The following ABHD10 variants were observed in gnomAD, a reference collection of about 807,000 sequenced individuals.
ABHD10 encodes palmitoyl-protein thioesterase ABHD10, mitochondrial.
In ABHD10, 22 loss-of-function variants were observed where a neutral mutation model predicts 33.1. That is an observed-to-expected ratio of 0.66 (90% CI 0.47 to 0.95). The LOEUF is 0.95. Among genes scored for constraint, ABHD10 ranks in the 40% least tolerant of loss-of-function variants. The pLI, the probability that ABHD10 is intolerant of heterozygous loss-of-function variation, is 0.00. For missense variants in ABHD10, 352 were observed against 379.9 expected (o/e 0.93, Z 0.61); for synonymous variants, 146 against 133.9 (o/e 1.09, Z -0.62).
chr3:111,990,653 A>G, intron 4 of ABHD10: 1 of 863,814 alleles, frequency 1.2e-6, no homozygotes, highest in African/African-American at 1.8e-5. Flanking sequence ...TATGTGGAAG[A>G]CTTCTTTGTC....
intron 4 of ABHD10, among the ~76,000 whole-genome samples, chr3:111,989,205 T>G (rs1692936522): frequency 6.6e-6 from 1 of 152,198 alleles, no homozygotes; most frequent in Admixed American, 6.5e-5. Flanking sequence ...ATTTCTCATT[T>G]CTTCTCTAAG....
At chr3:111,987,115 T>C (rs1238154010) in intron 4 of ABHD10, 64 bp downstream of exon 4, 15 of 1,547,980 alleles carry the variant, frequency 9.7e-6, no homozygotes, top group Non-Finnish European at 1.3e-5. Context: ...CTGCTCCCTC[T>C]TTCTTTGAGG....
chr3:111,991,294 T>C lies in ABHD10; in HGVS notation c.577-83T>C, dbSNP rs951556682. ...CTATCCTCTTATTCAAGAACTGCTT[T>C]CATTAGATTACTTAAAACTATTGCA... On this transcript the variant is annotated intron_variant, in intron 4 of 4. Coordinates refer to ENST00000273359, the MANE Select transcript of ABHD10 (RefSeq NM_018394.4). 1.5e-4 allele frequency: 175 copies of C among 1,174,790 alleles called. 1 individual carries two copies. The highest frequency in any genetic ancestry group is 1.9e-4 in the Non-Finnish European group (157 of 830,480). 72.8% of individuals were successfully genotyped at this position (1,174,790 alleles called of 1,614,324 possible). A position where few individuals can be genotyped will look rare whatever the true frequency, so the allele number is the denominator to read the frequency against.
intron 4 of ABHD10, among the ~76,000 whole-genome samples, chr3:111,990,275 G>A (rs1346016446): frequency 2.6e-5 from 4 of 151,814 alleles, no homozygotes; most frequent in Non-Finnish European, 4.4e-5. Context: ...CCTTTTCATA[G>A]AATTTTTTAA....
chr3:111,991,319 A>T (rs557206230), intron 4 of ABHD10, 58 bp from the exon 5 acceptor site: 1 of 1,415,920 alleles, frequency 7.1e-7, no homozygotes, highest in Non-Finnish European at 9.7e-7. Flanking sequence ...AAACTATTGC[A>T]TGTGTTAATG....
At chr3:111,982,068 A>G (rs1291547241) in intron 2 of ABHD10, 101 bp downstream of exon 2, 1 of 933,902 alleles carries the variant, frequency 1.1e-6, no homozygotes, top group African/African-American at 1.7e-5. Flanking sequence ...GCATTTTTAT[A>G]CATTATTTTA....
intron 3 of ABHD10, 122 bp downstream of exon 3, chr3:111,986,497 G>A (rs1029513756): frequency 2.7e-5 from 18 of 660,366 alleles, no homozygotes; most frequent in African/African-American, 7.4e-5. Context: ...GTGCAGTGGC[G>A]CAATCTTGGC....
In ABHD10 at chr3:111,986,845, A is replaced by G. The variant is rs550233576; in HGVS notation, c.439-69A>G. The stretch of plus-strand genomic sequence containing the variant: ...TTTACTTTCTAATTTTTTATTGTAC[A>G]TATTTTGTTTTATGTTTATAACCTG... On this transcript the variant is annotated intron_variant, in intron 3 of 4. Transcript: ENST00000273359. 1.2e-5 allele frequency: 14 copies of G among 1,133,612 alleles called. No individual in the cohort carries two copies. In the Admixed American group the frequency reaches 1.8e-4, roughly 14 times the overall value. 70.2% of individuals were successfully genotyped at this position (1,133,612 alleles called of 1,614,324 possible). A position where few individuals can be genotyped will look rare whatever the true frequency, so the allele number is the denominator to read the frequency against.
intron 1 of ABHD10, among the ~76,000 whole-genome samples, chr3:111,981,188 A>G (rs2072579355): frequency 6.6e-6 from 1 of 151,892 alleles, no homozygotes; most frequent in African/African-American, 2.4e-5. Flanking sequence ...CGTGTAGTGC[A>G]GCTACTGGGG....
chr3:111,989,829 G>A (rs2072719823), intron 4 of ABHD10, among the ~76,000 whole-genome samples: 1 of 151,354 alleles, frequency 6.6e-6, no homozygotes, highest in Admixed American at 6.6e-5. Context: ...GAATTATTAA[G>A]TCTTTTTGGA....
chr3:111,990,554 AAAAT>A, intron 4 of ABHD10: 1 of 323,306 alleles, frequency 3.1e-6, no homozygotes, highest in Non-Finnish European at 5.6e-6. Context: ...AATTATATAA[AAAAT>A]AAGAGTTCTC....
At chr3:111,980,836 C>T (rs1233096518) in intron 1 of ABHD10, among the ~76,000 whole-genome samples, 1 of 152,078 alleles carries the variant, frequency 6.6e-6, no homozygotes, top group Non-Finnish European at 1.5e-5. Flanking sequence ...TTGAACCCAC[C>T]TCAGCTGACA....
rs1235031257 is a variant in ABHD10, at chr3:111,992,979, C to A, written c.*1258C>A. On this transcript the variant is annotated 3_prime_UTR_variant, in exon 5 of 5. Coordinates refer to ENST00000273359, the MANE Select transcript of ABHD10 (RefSeq NM_018394.4). The stretch of plus-strand genomic sequence containing the variant: ...GATTGGCATCTGGGAACTTGGAGTT[C>A]AGGGGGCTTCCACCATTCCCAGAAC... The A allele has an allele frequency of 1.3e-5, 2 of 152,184 alleles. No homozygotes were observed. Among genetic ancestry groups the A allele is most frequent in the African/African-American group, 2.4e-5 (1 of 41,444 alleles). The allele number at this position is 152,184 out of a possible 1,614,324, so 9.4% of individuals were successfully genotyped here. A position where few individuals can be genotyped will look rare whatever the true frequency, so the allele number is the denominator to read the frequency against.
At chr3:111,990,777 A>G in intron 4 of ABHD10, 1 of 1,184,504 alleles carries the variant, frequency 8.4e-7, no homozygotes, top group Non-Finnish European at 1.1e-6. Context: ...TTACAATGTA[A>G]TTACTCTTAT....
chr3:111,980,107 G>C (rs886413739), intron 1 of ABHD10, among the ~76,000 whole-genome samples: 1 of 152,146 alleles, frequency 6.6e-6, no homozygotes, highest in Admixed American at 6.5e-5. Context: ...GTTCAAAGAT[G>C]ATTTATGAAT....
rs565034133 is a variant in ABHD10, at chr3:111,982,000, T to C, written c.326+33T>C. ...CAACACATTACTGAGAAAATATTGCTACTGTTAGCATTACAGTGGAGAATT... is the reference window on the plus strand; with the variant it reads ...CAACACATTACTGAGAAAATATTGCCACTGTTAGCATTACAGTGGAGAATT... On this transcript the variant is annotated intron_variant, in intron 2 of 4. Coordinates refer to ENST00000273359, the MANE Select transcript of ABHD10 (RefSeq NM_018394.4). 2.5e-5 allele frequency: 36 copies of C among 1,427,018 alleles called. No individual in the cohort carries two copies. The Middle Eastern group carries it at 5.6e-4, about 22-fold the overall frequency. The allele number at this position is 1,427,018 out of a possible 1,614,324, so 88.4% of individuals were successfully genotyped here.
At chr3:111,988,665 C>T (rs1331210220) in intron 4 of ABHD10, among the ~76,000 whole-genome samples, 1 of 152,068 alleles carries the variant, frequency 6.6e-6, no homozygotes, top group Non-Finnish European at 1.5e-5. Context: ...TCATTGCTTA[C>T]TGCAGCCTTG....
rs1286473185 is a variant in ABHD10, at chr3:111,992,161, G to T, written c.*440G>T. The T allele has an allele frequency of 6.5e-6, 1 of 153,514 alleles. No individual in the cohort carries two copies. The highest frequency in any genetic ancestry group is 1.4e-5 in the Non-Finnish European group (1 of 69,766). 9.5% of individuals were successfully genotyped at this position (153,514 alleles called of 1,614,324 possible). Reference sequence around the variant, plus strand: ...ATTTTTATTGAAGTAAATTTGAAATGATGGAGAAATTTCAGAAGCATAATA... The same window carrying T: ...ATTTTTATTGAAGTAAATTTGAAATTATGGAGAAATTTCAGAAGCATAATA... On this transcript the variant is annotated 3_prime_UTR_variant, in exon 5 of 5. Coordinates refer to ENST00000273359, the MANE Select transcript of ABHD10 (RefSeq NM_018394.4).
At chr3:111,986,428 G>GTTTGC (rs150902974) in intron 3 of ABHD10, 53 bp downstream of exon 3, 15 of 1,018,750 alleles carry the variant, frequency 1.5e-5, no homozygotes, top group Non-Finnish European at 2.2e-5. Flanking sequence ...TATTTAAGCT[G>GTTTGC]TTTGTTTTGT....
Sources: allele counts gnomAD v4.1 joint callset (sites outside exome capture counted in the v4.1 genomes callset), GRCh38; gene constraint gnomAD v4.1.1; transcripts MANE v1.5; gene names NCBI Gene and HGNC (gene_info 2026-07-23, HGNC 2026-07-21).